IQCM: variants seen among roughly 807,000 people sequenced by gnomAD.
The protein encoded by IQCM is IQ domain-containing protein M.
A neutral mutation model predicts 57.6 loss-of-function variants in IQCM; 45 were observed. The ratio of observed to expected loss-of-function variants is 0.78; its 90% confidence interval spans 0.62 to 1.00. The LOEUF (loss-of-function observed/expected upper bound fraction) is 1.00. IQCM is among the 50% of genes least tolerant of loss of function. The pLI is 0.00. For synonymous variants in IQCM, 148 were observed against 158.9 expected (o/e 0.93, Z 0.51); for missense variants, 468 against 511.6 (o/e 0.91, Z 0.82).
chr4:149,765,397 C>T (rs954328321), intron 2 of IQCM, among the ~76,000 whole-genome samples: 4 of 152,140 alleles, frequency 2.6e-5, no homozygotes, highest in Non-Finnish European at 5.9e-5. Flanking sequence ...CTTATGAAAT[C>T]ATCTTTGCAA....
chr4:149,656,048 C>T (rs1383631025), intron 7 of IQCM, among the ~76,000 whole-genome samples: 1 of 152,132 alleles, frequency 6.6e-6, no homozygotes, highest in East Asian at 1.9e-4. Context: ...ACTTGTGAGG[C>T]TCCAGGTAGT....
At chr4:149,493,255 T>C (rs1334537548) in intron 12 of IQCM, among the ~76,000 whole-genome samples, 2 of 151,950 alleles carry the variant, frequency 1.3e-5, no homozygotes, top group Non-Finnish European at 2.9e-5. Flanking sequence ...TTTTCCCTCA[T>C]TGAGAAAAAG....
At chr4:149,434,995 A>G (rs1218838923) in intron 12 of IQCM, among the ~76,000 whole-genome samples, 1 of 152,086 alleles carries the variant, frequency 6.6e-6, no homozygotes, top group Admixed American at 6.6e-5. Context: ...CTAGAATGCC[A>G]GCTCCGTGTA....
At position 149,595,934 on chromosome 4, in the gene IQCM, CT is replaced by C. The variant is rs550790786; in HGVS notation, c.682-7938del. On this transcript the variant is annotated intron_variant, in intron 8 of 13. Coordinates refer to ENST00000636793, the MANE Select transcript of IQCM (RefSeq NM_001363507.2). ...GGTATCCTAAAGATAATGCTGGTCA[CT>C]TTGTAATAGCCATGGCTTCAAAAAG... Among the ~76,000 whole-genome samples, 6 of 152,116 alleles carry C rather than the reference CT, an allele frequency of 3.9e-5. No individual in the cohort carries two copies. The South Asian group carries it at 8.3e-4, about 21-fold the overall frequency.
At chr4:149,404,058 G>A (rs1039111766) in intron 13 of IQCM, among the ~76,000 whole-genome samples, 20 of 151,934 alleles carry the variant, frequency 1.3e-4, no homozygotes, top group African/African-American at 2.4e-4. Context: ...ACCCTGTCAA[G>A]CAAAATGGAT....
At chr4:149,364,127 G>C (rs1729676638) in intron 13 of IQCM, among the ~76,000 whole-genome samples, 1 of 152,132 alleles carries the variant, frequency 6.6e-6, no homozygotes, top group South Asian at 2.1e-4. Context: ...GAACAAAATA[G>C]AAGAGATTTA....
chr4:149,504,900 G>C (rs559989881), intron 12 of IQCM, among the ~76,000 whole-genome samples: 2 of 150,282 alleles, frequency 1.3e-5, no homozygotes, highest in Non-Finnish European at 3.0e-5. Context: ...CAAAACAACA[G>C]AGAGAGAGAG....
At chr4:149,769,551 T>C (rs1169398040) in intron 2 of IQCM, among the ~76,000 whole-genome samples, 1 of 148,176 alleles carries the variant, frequency 6.7e-6, no homozygotes, top group Non-Finnish European at 1.5e-5. Context: ...CAATGCTCTA[T>C]AGCTAAAAAA....
At chr4:149,370,656 A>ACAAG (rs1419587613) in intron 13 of IQCM, among the ~76,000 whole-genome samples, 1 of 152,186 alleles carries the variant, frequency 6.6e-6, no homozygotes, top group East Asian at 1.9e-4. Flanking sequence ...GCACTTGCAG[A>ACAAG]CAAGCAAACA....
At chr4:149,415,555 G>A (rs920768041) in intron 13 of IQCM, among the ~76,000 whole-genome samples, 1 of 151,982 alleles carries the variant, frequency 6.6e-6, no homozygotes, top group African/African-American at 2.4e-5. Flanking sequence ...CTGTTTTGTG[G>A]CTCCTGCTTT....
Position 149,389,443 on chromosome 4 carries a change from G to T in IQCM, c.1391-37377C>A, listed in dbSNP as rs372546482. On this transcript the variant is annotated intron_variant, in intron 13 of 13. Transcript: ENST00000636793. ...TTGCGGCATTATTCACAATAGCAAAGACTTGGAACCAACCCAAATGTCCAA... is the reference window on the plus strand; with the variant it reads ...TTGCGGCATTATTCACAATAGCAAATACTTGGAACCAACCCAAATGTCCAA... Among the ~76,000 whole-genome samples, 5 of 151,752 alleles carry T rather than the reference G, an allele frequency of 3.3e-5. No homozygotes were observed. In the South Asian group the frequency reaches 1.0e-3, roughly 32 times the overall value.
At chr4:149,739,232 G>C (rs1767222217) in intron 3 of IQCM, among the ~76,000 whole-genome samples, 2 of 152,024 alleles carry the variant, frequency 1.3e-5, no homozygotes, top group Non-Finnish European at 2.9e-5. Context: ...TTTTGTGCTT[G>C]AATTCCAGTT....
At chr4:149,652,874 T>C (rs1378041084) in intron 7 of IQCM, among the ~76,000 whole-genome samples, 1 of 152,180 alleles carries the variant, frequency 6.6e-6, no homozygotes, top group Admixed American at 6.6e-5. Context: ...CTGAAGGACA[T>C]ATCTTATCTC....
rs1028359653 is a variant in IQCM at position 149,478,185 on chromosome 4, C to G, written c.1229-44628G>C. On this transcript the variant is annotated intron_variant, in intron 12 of 13. Coordinates refer to ENST00000636793, the MANE Select transcript of IQCM (RefSeq NM_001363507.2). The stretch of plus-strand genomic sequence containing the variant: ...ACATGAAAAGCCCCTGAGGCTTAGT[C>G]AAAGAACACAAACCAGGCCGGTGTG... Among the ~76,000 whole-genome samples the G allele has an allele frequency of 3.3e-5, 5 of 152,102 alleles. No homozygotes were observed. The East Asian group carries it at 9.6e-4, about 29-fold the overall frequency.
intron 5 of IQCM, among the ~76,000 whole-genome samples, chr4:149,720,878 CAAATCAAATTATTCTGT>C (rs1423269584): frequency 6.6e-6 from 1 of 152,144 alleles, no homozygotes; most frequent in East Asian, 1.9e-4. Flanking sequence ...TCCAAGACTT[CAAATCAAATTATTCTGT>C]GACACCAAAC....
intron 13 of IQCM, among the ~76,000 whole-genome samples, chr4:149,405,215 T>C (rs1732893820): frequency 6.6e-6 from 1 of 152,100 alleles, no homozygotes. Context: ...AAACAGTTCC[T>C]AGTAGAGTGC....
chr4:149,729,852 T>C (rs1466677723), intron 5 of IQCM, among the ~76,000 whole-genome samples: 1 of 152,194 alleles, frequency 6.6e-6, no homozygotes, highest in African/African-American at 2.4e-5. Context: ...CAATGTTAAG[T>C]ATTAGTAGAT....
At chr4:149,811,904 C>T (rs1226885877) in intron 2 of IQCM, among the ~76,000 whole-genome samples, 4 of 152,138 alleles carry the variant, frequency 2.6e-5, no homozygotes, top group Non-Finnish European at 4.4e-5. Context: ...GACTCTGTAA[C>T]ATGCAGAATT....
chr4:149,658,921 C>G (rs1272446597), intron 7 of IQCM, among the ~76,000 whole-genome samples: 1 of 151,984 alleles, frequency 6.6e-6, no homozygotes, highest in East Asian at 1.9e-4. Context: ...TGTCTTCAAA[C>G]AGGAACACTT....
Sources: gnomAD v4.1 joint callset for allele counts (sites outside exome capture counted in the v4.1 genomes callset) on GRCh38, gnomAD v4.1.1 for gene constraint, MANE v1.5 for transcripts, NCBI Gene and HGNC (gene_info 2026-07-23, HGNC 2026-07-21) for gene names.